PALLD: variants seen among roughly 807,000 people sequenced by gnomAD.
PALLD encodes palladin.
In PALLD, 61 loss-of-function variants were observed where a neutral mutation model predicts 123.5. The observed-to-expected ratio is 0.49, with a 90% confidence interval of 0.40 to 0.61. The LOEUF (loss-of-function observed/expected upper bound fraction) is 0.61, where lower values mean the gene tolerates loss of function less well. Ranked by LOEUF, PALLD falls within the 20% of genes least tolerant of loss-of-function variation. PALLD has a pLI of 0.00. For synonymous variants in PALLD, 465 were observed against 496.4 expected (o/e 0.94, Z 0.84); for missense variants, 1,273 against 1,377.0 (o/e 0.92, Z 1.20).
chr4:168,825,723 G>A (rs1453429981), intron 10 of PALLD, among the ~76,000 whole-genome samples: 1 of 146,130 alleles, frequency 6.8e-6, no homozygotes, highest in South Asian at 2.3e-4. Flanking sequence ...CCATTGCTGA[G>A]AGAGTTTTAC....
At chr4:168,593,990 G>A (rs889504190) in intron 2 of PALLD, among the ~76,000 whole-genome samples, 3 of 152,234 alleles carry the variant, frequency 2.0e-5, no homozygotes, top group African/African-American at 7.2e-5. Context: ...AGGACCATCT[G>A]GGTAGTTTCA....
intron 1 of PALLD, among the ~76,000 whole-genome samples, chr4:168,509,920 G>A (rs1453878454): frequency 2.6e-5 from 4 of 152,100 alleles, no homozygotes; most frequent in Admixed American, 1.3e-4. Flanking sequence ...CAACCCCCTC[G>A]ACTCTTGCAT....
At chr4:168,773,258 C>A (rs1026740176) in intron 10 of PALLD, among the ~76,000 whole-genome samples, 3 of 152,100 alleles carry the variant, frequency 2.0e-5, no homozygotes, top group Non-Finnish European at 4.4e-5. Context: ...CCGAGCCTGC[C>A]CTTATCTATC....
Position 168,905,889 on chromosome 4 carries a change from T to C in PALLD, c.2622+1983T>C, listed in dbSNP as rs2151329078. Among the ~76,000 whole-genome samples the C allele has an allele frequency of 2.0e-5, 3 of 146,850 alleles. No individual in the cohort carries two copies. In the Middle Eastern group the frequency reaches 0.01, roughly 506 times the overall value. Reference sequence around the variant, plus strand: ...ATCTTAGCCCACTGCAGTCTCCACCTCCTGGGTTCAAGCAATTCTTCTGCC... The same window carrying C: ...ATCTTAGCCCACTGCAGTCTCCACCCCCTGGGTTCAAGCAATTCTTCTGCC... On this transcript the variant is annotated intron_variant, in intron 15 of 21. Coordinates refer to ENST00000505667, the MANE Select transcript of PALLD (RefSeq NM_001166108.2).
chr4:168,775,994 G>A (rs760581673), intron 10 of PALLD, among the ~76,000 whole-genome samples: 1 of 152,166 alleles, frequency 6.6e-6, no homozygotes, highest in Non-Finnish European at 1.5e-5. Flanking sequence ...AATCTAAATA[G>A]AAAGTTGTTT....
At chr4:168,605,695 T>C in intron 2 of PALLD, among the ~76,000 whole-genome samples, 1 of 152,186 alleles carries the variant, frequency 6.6e-6, no homozygotes. Flanking sequence ...GGCTAGCATG[T>C]TTGTTCTACC....
At chr4:168,833,635 C>T (rs1355318891) in intron 10 of PALLD, among the ~76,000 whole-genome samples, 1 of 152,054 alleles carries the variant, frequency 6.6e-6, no homozygotes, top group East Asian at 1.9e-4. Flanking sequence ...CCTGTCAGGA[C>T]TGTCTCCTTA....
intron 10 of PALLD, among the ~76,000 whole-genome samples, chr4:168,798,519 A>T (rs116705682): frequency 2.1e-3 from 318 of 152,296 alleles, no homozygotes; most frequent in African/African-American, 7.2e-3. Context: ...TTCTACTATA[A>T]TATCTATTTC....
At chr4:168,586,390 C>T (rs1171493867) in intron 2 of PALLD, among the ~76,000 whole-genome samples, 1 of 152,104 alleles carries the variant, frequency 6.6e-6, no homozygotes, top group Non-Finnish European at 1.5e-5. Flanking sequence ...TGAGCCTCAA[C>T]TTGAGATTCC....
chr4:168,720,611 T>C (rs1448864677), intron 10 of PALLD, among the ~76,000 whole-genome samples: 1 of 152,216 alleles, frequency 6.6e-6, no homozygotes, highest in Non-Finnish European at 1.5e-5. Flanking sequence ...GCTATGCGGG[T>C]ATGAACTCTT....
At chr4:168,637,206 G>A (rs551981500) in intron 2 of PALLD, among the ~76,000 whole-genome samples, 8 of 152,074 alleles carry the variant, frequency 5.3e-5, no homozygotes, top group Admixed American at 3.3e-4. Context: ...TGCTTGTATC[G>A]GAGGGGTTGG....
At chr4:168,714,003 A>C (rs1785099227) in intron 10 of PALLD, among the ~76,000 whole-genome samples, 2 of 127,848 alleles carry the variant, frequency 1.6e-5, no homozygotes, top group South Asian at 4.8e-4. Context: ...TTCTTAGGGA[A>C]TCACTTGATT....
chr4:168,791,592 T>C (rs1335964225), intron 10 of PALLD, among the ~76,000 whole-genome samples: 5 of 152,142 alleles, frequency 3.3e-5, no homozygotes, highest in Admixed American at 2.0e-4. Flanking sequence ...GGCCCCATGA[T>C]TCAATTACCT....
chr4:168,759,194 A>C (rs1262979845), intron 10 of PALLD, among the ~76,000 whole-genome samples: 3 of 41,446 alleles, frequency 7.2e-5, no homozygotes, highest in African/African-American at 1.4e-4. Context: ...AAAAAAAAAA[A>C]AAAAAAAAAT....
intron 2 of PALLD, among the ~76,000 whole-genome samples, chr4:168,521,925 G>A (rs1023445096): frequency 8.5e-5 from 13 of 152,082 alleles, no homozygotes; most frequent in Admixed American, 7.9e-4. Context: ...CACTGCTGCA[G>A]GGTATGGGAT....
At chr4:168,872,759 C>G (rs927461983) in intron 10 of PALLD, among the ~76,000 whole-genome samples, 7 of 152,136 alleles carry the variant, frequency 4.6e-5, no homozygotes, top group Non-Finnish European at 8.8e-5. Context: ...TAGTGCTAAA[C>G]AAATCAAGTT....
intron 10 of PALLD, among the ~76,000 whole-genome samples, chr4:168,831,835 G>A (rs1292920569): frequency 6.6e-6 from 1 of 152,222 alleles, no homozygotes; most frequent in African/African-American, 2.4e-5. Flanking sequence ...ATCGTTCCAG[G>A]AAAGCCCGAT....
chr4:168,732,981 G>C (rs1218135041), intron 10 of PALLD, among the ~76,000 whole-genome samples: 2 of 152,160 alleles, frequency 1.3e-5, no homozygotes, highest in African/African-American at 4.8e-5. Flanking sequence ...GATAATACAC[G>C]TAAGCTAGAA....
intron 2 of PALLD, among the ~76,000 whole-genome samples, chr4:168,541,600 G>A (rs540755144): frequency 4.6e-5 from 7 of 152,060 alleles, no homozygotes; most frequent in East Asian, 1.9e-4. Context: ...ACAGGCGCTC[G>A]CCACCACACC....
Sources: gnomAD v4.1 joint callset for allele counts (sites outside exome capture counted in the v4.1 genomes callset) on GRCh38, gnomAD v4.1.1 for gene constraint, MANE v1.5 for transcripts, NCBI Gene and HGNC (gene_info 2026-07-23, HGNC 2026-07-21) for gene names.